Variants in DSTYK observed in about 807,000 individuals in gnomAD.
The protein encoded by DSTYK is RIP-homologous kinase.
DSTYK carries 34 observed loss-of-function variants against 98.7 expected under a neutral mutation model. The ratio of observed to expected loss-of-function variants is 0.34; its 90% CI spans 0.26 to 0.46. DSTYK has a LOEUF of 0.46. Among genes scored for constraint, DSTYK ranks in the 20% least tolerant of loss-of-function variants. DSTYK has a pLI of 1.00. For synonymous variants in DSTYK, 462 were observed against 457.3 expected (o/e 1.01, Z -0.13); for missense variants, 962 against 1,181.7 (o/e 0.81, Z 2.73).
chr1:205,202,587 T>C, intron 1 of DSTYK: 2 of 1,039,174 alleles, frequency 1.9e-6, no homozygotes, highest in Non-Finnish European at 3.0e-6. Flanking sequence ...GCAGAGCTCA[T>C]GGTCGGATTA....
Position 205,160,363 on chromosome 1 carries a change from T to A in DSTYK, c.1949-93A>T, listed in dbSNP as rs1453659045. Reference sequence around the variant, plus strand: ...CTTTTTTTTTTTTTTTGAGACAGAGTCTTGTTCTGTCACCCAAGCAGGAGT... The same window carrying A: ...CTTTTTTTTTTTTTTTGAGACAGAGACTTGTTCTGTCACCCAAGCAGGAGT... On this transcript the variant is annotated intron_variant, in intron 7 of 12. Transcript: ENST00000367162. The A allele has an allele frequency of 1.8e-5, 22 of 1,200,902 alleles. 1 individual carries two copies. In the Admixed American group the frequency reaches 3.9e-4, roughly 21 times the overall value. The allele number at this position is 1,200,902 out of a possible 1,614,324, so 74.4% of individuals were successfully genotyped here.
intron 2 of DSTYK, among the ~76,000 whole-genome samples, chr1:205,183,495 T>C (rs1033233591): frequency 6.6e-6 from 1 of 152,186 alleles, no homozygotes; most frequent in African/African-American, 2.4e-5. Context: ...TAAAATAACG[T>C]ATTAGAAGAA....
intron 1 of DSTYK, among the ~76,000 whole-genome samples, chr1:205,192,182 T>C (rs537853475): frequency 6.6e-6 from 1 of 152,342 alleles, no homozygotes; most frequent in East Asian, 1.9e-4. Context: ...ATTTGCTTCA[T>C]TTCATTTAAT....
At chr1:205,174,181 C>A (rs1658156182) in intron 2 of DSTYK, among the ~76,000 whole-genome samples, 2 of 151,812 alleles carry the variant, frequency 1.3e-5, no homozygotes, top group African/African-American at 4.8e-5. Flanking sequence ...GAGTTCGGGA[C>A]CAGCCTGGCC....
Position 205,146,757 on chromosome 1 carries a change from G to C in DSTYK, c.*801C>G, listed in dbSNP as rs1657249463. 1 of 151,858 alleles carries C rather than the reference G, an allele frequency of 6.6e-6. No homozygotes were observed. Among genetic ancestry groups the C allele is most frequent in the Non-Finnish European group, 1.5e-5 (1 of 68,018 alleles). The allele number at this position is 151,858 out of a possible 1,614,324, so 9.4% of individuals were successfully genotyped here. On this transcript the variant is annotated 3_prime_UTR_variant, in exon 13 of 13. Transcript: ENST00000367162. ...CGGCTAATTTTTTGTATCTTTAGTAGAGACGGGGTTTCACCATGTTGGCCA... is the reference window on the plus strand; with the variant it reads ...CGGCTAATTTTTTGTATCTTTAGTACAGACGGGGTTTCACCATGTTGGCCA...
chr1:205,174,342 G>A (rs1658161637), intron 2 of DSTYK, among the ~76,000 whole-genome samples: 1 of 151,906 alleles, frequency 6.6e-6, no homozygotes, highest in South Asian at 2.1e-4. Flanking sequence ...GTGAAACCCT[G>A]TCTCTACTAA....
intron 2 of DSTYK, chr1:205,173,473 T>C (rs144352922): frequency 2.6e-5 from 4 of 151,998 alleles, no homozygotes; most frequent in Admixed American, 6.6e-5. Context: ...TTTTTTATAT[T>C]ACAAAGCTGC....
chr1:205,147,659 G>T lies in DSTYK; in HGVS notation c.2689C>A (p.Pro897Thr), dbSNP rs757807088. The T allele has an allele frequency of 1.2e-5, 19 of 1,614,166 alleles. No individual in the cohort carries two copies. The highest frequency in any genetic ancestry group is 1.6e-5 in the Non-Finnish European group (19 of 1,180,022). ...ACWDGDPLKR[P>T]LLGIVQPMLQ... ...ATGGGCTGGACAATGCCCAAGAGAGGCCTCTTCAAGGGGTCGCCATCCCAA... is the reference window on the plus strand; with the variant it reads ...ATGGGCTGGACAATGCCCAAGAGAGTCCTCTTCAAGGGGTCGCCATCCCAA... The change falls in exon 13 of 13, where the codon CCT becomes ACT. Residue 897 changes from proline to threonine, a missense_variant. Coordinates refer to ENST00000367162, the MANE Select transcript of DSTYK (RefSeq NM_015375.3).
chr1:205,201,713 TA>T (rs1460669814), intron 1 of DSTYK, among the ~76,000 whole-genome samples: 3 of 152,138 alleles, frequency 2.0e-5, no homozygotes, highest in Admixed American at 6.5e-5. Flanking sequence ...TCTTTACCCT[TA>T]GGGGTACACA....
chr1:205,161,920 A>G, intron 6 of DSTYK, 116 bp downstream of exon 6: 1 of 797,608 alleles, frequency 1.3e-6, no homozygotes, highest in Non-Finnish European at 1.8e-6. Context: ...ATATATATGT[A>G]TACACACACA....
rs902985127 is a variant in DSTYK, at chr1:205,162,171, A to T, written c.1683T>A (p.Thr561=). Residue 561 remains threonine (T), a synonymous_variant, in exon 6 of 13, where the codon ACT becomes ACA. Coordinates refer to ENST00000367162, the MANE Select transcript of DSTYK (RefSeq NM_015375.3). ...GGGCCACCTTCCTCTTCCATTCCAGAGTGATGGCAGGTGGGCTCACCCATG... is the reference window on the plus strand; with the variant it reads ...GGGCCACCTTCCTCTTCCATTCCAGTGTGATGGCAGGTGGGCTCACCCATG... ...RITWVSPPAI[T]LEWKRKVAQE... 1.2e-6 allele frequency: 2 copies of T among 1,614,144 alleles called. No individual in the cohort carries two copies. The highest frequency in any genetic ancestry group is 4.5e-5 in the East Asian group (2 of 44,888).
At chr1:205,211,169 C>A (rs1400417918) in intron 1 of DSTYK, 102 bp downstream of exon 1, 7 of 1,456,014 alleles carry the variant, frequency 4.8e-6, no homozygotes, top group Non-Finnish European at 6.3e-6. Flanking sequence ...TGCCCCTTTC[C>A]GCCTGCCCGA....
At chr1:205,170,178 G>C (rs929478799) in intron 2 of DSTYK, among the ~76,000 whole-genome samples, 8 of 152,116 alleles carry the variant, frequency 5.3e-5, no homozygotes, top group African/African-American at 1.9e-4. Context: ...GAAGAAAAAG[G>C]AATTGTAATG....
intron 10 of DSTYK, among the ~76,000 whole-genome samples, chr1:205,153,814 C>T (rs1219090049): frequency 8.6e-5 from 13 of 151,758 alleles, no homozygotes; most frequent in Non-Finnish European, 2.9e-5. Flanking sequence ...AGCGATTCTC[C>T]TGCCTCAGCC....
chr1:205,204,212 G>A (rs2102481916), intron 1 of DSTYK, among the ~76,000 whole-genome samples: 1 of 152,274 alleles, frequency 6.6e-6, no homozygotes, highest in East Asian at 1.9e-4. Context: ...ACAAGCTGTG[G>A]AGCCTGGGTG....
chr1:205,147,822 C>A, intron 12 of DSTYK, 77 bp from the exon 13 acceptor site: 1 of 1,477,984 alleles, frequency 6.8e-7, no homozygotes, highest in Admixed American at 1.8e-5. Flanking sequence ...AGCTCAAAGG[C>A]TGACTTCCCA....
chr1:205,174,891 C>T (rs1658183442), intron 2 of DSTYK, among the ~76,000 whole-genome samples: 1 of 149,918 alleles, frequency 6.7e-6, no homozygotes, highest in Non-Finnish European at 1.5e-5. Context: ...GCATGCGCCA[C>T]CACGCCGGGC....
At chr1:205,154,521 C>T (rs531445522) in intron 10 of DSTYK, among the ~76,000 whole-genome samples, 52 of 152,134 alleles carry the variant, frequency 3.4e-4, no homozygotes, top group Admixed American at 1.2e-3. Context: ...TCCAGCCTTG[C>T]GGAACTGTGA....
chr1:205,194,159 G>A (rs1445595110), intron 1 of DSTYK, among the ~76,000 whole-genome samples: 1 of 152,082 alleles, frequency 6.6e-6, no homozygotes, highest in African/African-American at 2.4e-5. Context: ...GTTTTCCCTG[G>A]GTCTTTGTGA....
Sources: allele counts gnomAD v4.1 joint callset (sites outside exome capture counted in the v4.1 genomes callset), GRCh38; gene constraint gnomAD v4.1.1; transcripts MANE v1.5; gene names NCBI Gene and HGNC (gene_info 2026-07-23, HGNC 2026-07-21).